Variants in PGAP3 observed in about 807,000 individuals in gnomAD.
The protein encoded by PGAP3 is post-GPI attachment to proteins phospholipase 3, also known as GPI-specific phospholipase A2-like PGAP3.
A neutral mutation model predicts 40.3 loss-of-function variants in PGAP3; 31 were observed. That is an observed-to-expected ratio of 0.77 (90% CI 0.58 to 1.04). PGAP3 has a LOEUF of 1.04. PGAP3 is among the 50% of genes least tolerant of loss of function. PGAP3 has a pLI of 0.00. For missense variants in PGAP3, 413 were observed against 423.0 expected (o/e 0.98, Z 0.21); for synonymous variants, 191 against 184.5 (o/e 1.04, Z -0.29).
intron 3 of PGAP3, among the ~76,000 whole-genome samples, chr17:39,682,225 CAAAAAAAAAAAAAAAAA>C (rs60959390): frequency 7.0e-4 from 16 of 22,810 alleles, no homozygotes; most frequent in South Asian, 4.3e-3. Context: ...GACTCTGTCT[CAAAAAAAAAAAAAAAAA>C]AAAAAAAAAA....
At chr17:39,684,487 G>C in intron 3 of PGAP3, 110 bp downstream of exon 3, 2 of 1,331,008 alleles carry the variant, frequency 1.5e-6, no homozygotes, top group East Asian at 5.2e-5. Flanking sequence ...TTAGCCCTGG[G>C]AAACAGAGGG....
At position 39,687,871 on chromosome 17, in the gene PGAP3, G is replaced by A. The variant is rs1171860553; in HGVS notation, c.144C>T (p.His48=). The A allele has an allele frequency of 6.7e-7, 1 of 1,499,618 alleles. No homozygotes were observed. The highest frequency in any genetic ancestry group is 1.3e-5 in the South Asian group (1 of 79,642). The allele number at this position is 1,499,618 out of a possible 1,614,324, so 92.9% of individuals were successfully genotyped here. A position where few individuals can be genotyped will look rare whatever the true frequency, so the allele number is the denominator to read the frequency against. ...TGTAGATTGGCTGGCGGGAGCGGAA[G>A]TGATTCAGAGCGCCCCCAGAGCAGT... ...EQNCSGGALN[H]FRSRQPIYMS... is the part of the protein sequence containing the mutation. Residue 48 remains histidine, a synonymous_variant, in exon 1 of 8, where the codon CAC becomes CAT. Transcript: ENST00000300658.
intron 3 of PGAP3, among the ~76,000 whole-genome samples, chr17:39,675,589 T>C (rs1306297375): frequency 6.6e-6 from 1 of 151,512 alleles, no homozygotes; most frequent in Non-Finnish European, 1.5e-5. Context: ...CTGGCGGAGA[T>C]GAGGAAAGGC....
rs1207321242 is a variant in PGAP3, at chr17:39,671,159, C to CA, written c.*1643dup. On this transcript the variant is annotated 3_prime_UTR_variant, in exon 8 of 8. Transcript: ENST00000300658. ...TTGATTTATTAAGCACATCCCTTGCCACCCTCCCACCTTAAAAGTTTTCAG... is the reference window on the plus strand; with the variant it reads ...TTGATTTATTAAGCACATCCCTTGCCAACCCTCCCACCTTAAAAGTTTTCAG... 1 of 152,384 alleles carries CA rather than the reference C, an allele frequency of 6.6e-6. No individual in the cohort carries two copies. The highest frequency in any genetic ancestry group is 1.5e-5 in the Non-Finnish European group (1 of 68,040). The allele number at this position is 152,384 out of a possible 1,614,324, so 9.4% of individuals were successfully genotyped here. A position where few individuals can be genotyped will look rare whatever the true frequency, so the allele number is the denominator to read the frequency against.
chr17:39,680,139 C>G (rs1158769395), intron 3 of PGAP3, among the ~76,000 whole-genome samples: 1 of 152,194 alleles, frequency 6.6e-6, no homozygotes, highest in Non-Finnish European at 1.5e-5. Flanking sequence ...CCACCCCCAG[C>G]AAATGCTCAA....
chr17:39,675,263 C>G (rs1267647165), intron 3 of PGAP3, among the ~76,000 whole-genome samples: 1 of 151,956 alleles, frequency 6.6e-6, no homozygotes. Flanking sequence ...TGGCTGCTCC[C>G]GAGCCTGGGA....
intron 3 of PGAP3, 99 bp from the exon 4 acceptor site, chr17:39,674,778 C>G: frequency 8.1e-7 from 1 of 1,229,582 alleles, no homozygotes; most frequent in Non-Finnish European, 1.1e-6. Flanking sequence ...GGAAGGGGCT[C>G]TGCAGGACAA....
At position 39,673,583 on chromosome 17, in the gene PGAP3, C is replaced by T. The variant is rs764990263; in HGVS notation, c.625G>A (p.Val209Met). The T allele has an allele frequency of 1.1e-5, 17 of 1,614,106 alleles. No homozygotes were observed. Among genetic ancestry groups the T allele is most frequent in the South Asian group, 4.4e-5 (4 of 91,084 alleles). Residue 209 changes from valine to methionine, a missense_variant, in exon 6 of 8, where the codon GTG becomes ATG. Physicochemically the swap from Val to Met is conservative, Grantham distance 21. Transcript: ENST00000300658. ...FRALLLLMLT[V>M]HVSYLSLIRF... is the part of the protein sequence containing the mutation. ...ATGAGGCTCAGGTAGGAGACGTGCACGGTCAGCATGAGCAGCAGGAGAGCC... is the reference window on the plus strand; with the variant it reads ...ATGAGGCTCAGGTAGGAGACGTGCATGGTCAGCATGAGCAGCAGGAGAGCC...
chr17:39,674,117 T>G, intron 4 of PGAP3, 63 bp from the exon 5 acceptor site: 3 of 1,531,218 alleles, frequency 2.0e-6, no homozygotes, highest in South Asian at 1.1e-5. Flanking sequence ...CCCGCGGGGA[T>G]GGGGGCATGG....
Position 39,674,579 on chromosome 17 carries a change from C to T in PGAP3, c.495+38G>A, listed in dbSNP as rs2057351636. 3 of 1,536,984 alleles carry T rather than the reference C, an allele frequency of 2.0e-6. No homozygotes were observed. The East Asian group carries it at 7.3e-5, about 37-fold the overall frequency. On this transcript the variant is annotated intron_variant, in intron 4 of 7. Coordinates refer to ENST00000300658, the MANE Select transcript of PGAP3 (RefSeq NM_033419.5). ...TGCCCACTTCTGGGCTCCTCTGGGA[C>T]CACCCTGTGCAGGAGGGGGAGCTGG...
At chr17:39,676,816 C>G (rs774997527) in intron 3 of PGAP3, 2 of 152,314 alleles carry the variant, frequency 1.3e-5, no homozygotes, top group African/African-American at 4.8e-5. Context: ...ATACAGCGTA[C>G]AGCACAGAGC....
Position 39,685,940 on chromosome 17 carries a change from C to A in PGAP3, c.261G>T (p.Val87=). 6.2e-7 allele frequency: 1 copy of A among 1,613,310 alleles called. No homozygotes were observed. Residue 87 remains valine (V), a synonymous_variant, in exon 2 of 8, where the codon GTG becomes GTT. Coordinates refer to ENST00000300658, the MANE Select transcript of PGAP3 (RefSeq NM_033419.5). ...AACTCACCTTGCCATGGAACTGAGG[C>A]ACTTTGTGACCTTCCTGGAGGTAGA... The part of the protein sequence containing the change: ...VGLYLQEGHK[V]PQFHGKWPFS...
intron 4 of PGAP3, 49 bp downstream of exon 4, chr17:39,674,568 C>T: frequency 6.6e-7 from 1 of 1,519,182 alleles, no homozygotes; most frequent in Non-Finnish European, 8.9e-7. Context: ...CACTTCTGGG[C>T]TCCTCTGGGA....
chr17:39,680,071 A>G (rs1230702896), intron 3 of PGAP3, among the ~76,000 whole-genome samples: 1 of 151,976 alleles, frequency 6.6e-6, no homozygotes, highest in Non-Finnish European at 1.5e-5. Context: ...TGCACCTCCC[A>G]CTATGCTTAG....
chr17:39,682,046 C>T (rs545309898), intron 3 of PGAP3, among the ~76,000 whole-genome samples: 1 of 150,980 alleles, frequency 6.6e-6, no homozygotes, highest in Non-Finnish European at 1.5e-5. Context: ...TGGTGAAACC[C>T]CATCTCTACT....
intron 3 of PGAP3, among the ~76,000 whole-genome samples, chr17:39,680,143 T>C (rs1035313438): frequency 2.0e-5 from 3 of 152,108 alleles, no homozygotes; most frequent in Non-Finnish European, 4.4e-5. Flanking sequence ...CCCCAGCAAA[T>C]GCTCAATGGA....
In PGAP3 at chr17:39,676,188, G is replaced by A. The variant is rs568759380; in HGVS notation, c.433-1509C>T. ...GAAAAGCTTAGAGTCAGCATGGGGA[G>A]AGGAGCAGGCTTGGGCTGGAGACGG... is the stretch of plus-strand genomic sequence containing the variant. On this transcript the variant is annotated intron_variant, in intron 3 of 7. Coordinates refer to ENST00000300658, the MANE Select transcript of PGAP3 (RefSeq NM_033419.5). Among the ~76,000 whole-genome samples, 14 of 152,348 alleles carry A rather than the reference G, an allele frequency of 9.2e-5. 1 individual carries two copies. In the South Asian group the frequency reaches 2.9e-3, roughly 32 times the overall value.
intron 1 of PGAP3, 52 bp downstream of exon 1, chr17:39,687,782 G>A: frequency 3.1e-6 from 4 of 1,284,582 alleles, no homozygotes; most frequent in African/African-American, 1.5e-5. Context: ...TGGGGGCGCA[G>A]GGGGCGGGAG....
rs1402352313 is a variant in PGAP3 at position 39,672,843 on chromosome 17, T to C, written c.923A>G (p.Tyr308Cys). 6.2e-6 allele frequency: 10 copies of C among 1,614,136 alleles called. No homozygotes were observed. The highest frequency in any genetic ancestry group is 8.5e-6 in the Non-Finnish European group (10 of 1,179,998). ...CTTGTCCTCTGATTCCTTCAGCAGGTACAGGCTGTCATCTTCCAGAAAGCT... is the reference window on the plus strand; with the variant it reads ...CTTGTCCTCTGATTCCTTCAGCAGGCACAGGCTGTCATCTTCCAGAAAGCT... ...FFSFLEDDSL[Y>C]LLKESEDKFK... Residue 308 changes from tyrosine (Y) to cysteine (C), a missense_variant, in exon 8 of 8, where the codon TAC becomes TGC. By Grantham distance (194) the Tyr-to-Cys change is radical. Coordinates refer to ENST00000300658, the MANE Select transcript of PGAP3 (RefSeq NM_033419.5).
Sources: gnomAD v4.1 joint callset for allele counts (sites outside exome capture counted in the v4.1 genomes callset) on GRCh38, gnomAD v4.1.1 for gene constraint, MANE v1.5 for transcripts, NCBI Gene and HGNC (gene_info 2026-07-23, HGNC 2026-07-21) for gene names.